Variants in GRID2 observed in about 807,000 individuals in gnomAD.
GRID2 encodes glutamate ionotropic receptor delta type subunit 2, also known as glutamate receptor ionotropic, delta-2.
Under a neutral mutation model 114.8 loss-of-function variants are expected in GRID2, and 33 were observed. That is an observed-to-expected ratio of 0.29 (90% CI 0.22 to 0.38). The LOEUF is 0.38. Among genes scored for constraint, GRID2 ranks in the 10% least tolerant of loss-of-function variants. GRID2 has a pLI of 1.00. For synonymous variants in GRID2, 505 were observed against 449.9 expected (o/e 1.12, Z -1.55); for missense variants, 1,184 against 1,257.7 (o/e 0.94, Z 0.89).
At chr4:92,445,100 A>G (rs929798653) in intron 1 of GRID2, among the ~76,000 whole-genome samples, 4 of 152,168 alleles carry the variant, frequency 2.6e-5, no homozygotes, top group African/African-American at 9.7e-5. Flanking sequence ...TATAAGGCTT[A>G]TTATGTGCTA....
intron 4 of GRID2, among the ~76,000 whole-genome samples, chr4:93,192,060 T>C (rs1221146494): frequency 6.6e-6 from 1 of 152,214 alleles, no homozygotes; most frequent in African/African-American, 2.4e-5. Context: ...AATGTTCCAT[T>C]TTATTTTCAC....
At chr4:92,684,328 A>AT (rs929559444) in intron 2 of GRID2, among the ~76,000 whole-genome samples, 74 of 151,354 alleles carry the variant, frequency 4.9e-4, no homozygotes, top group African/African-American at 1.5e-3. Flanking sequence ...GATTTCTTGG[A>AT]TTTTTTTTTA....
At chr4:93,219,596 G>GA (rs1187173102) in intron 6 of GRID2, among the ~76,000 whole-genome samples, 3 of 152,044 alleles carry the variant, frequency 2.0e-5, no homozygotes, top group Non-Finnish European at 2.9e-5. Flanking sequence ...GTAAAATTTA[G>GA]AAAAAACAGA....
chr4:93,084,167 C>T (rs368660758), intron 2 of GRID2, among the ~76,000 whole-genome samples: 3 of 151,862 alleles, frequency 2.0e-5, no homozygotes, highest in South Asian at 4.4e-4. Flanking sequence ...CATTATGAAA[C>T]ATTACCTCTT....
chr4:93,648,841 C>CT lies in GRID2; in HGVS notation c.2360+22414dup, dbSNP rs546115400. The stretch of plus-strand genomic sequence containing the variant: ...TATCTTTTTCTTGCTTCTTTATTCT[C>CT]TTTTTTTTACCATGTTTTTTGGATT... On this transcript the variant is annotated intron_variant, in intron 14 of 15. Transcript: ENST00000282020. Among the ~76,000 whole-genome samples, 173 of 148,040 alleles carry CT rather than the reference C, an allele frequency of 1.2e-3. 2 individuals carry two copies. The highest frequency in any genetic ancestry group is 0.01 in the Admixed American group (149 of 14,876).
chr4:93,394,869 C>T (rs1248568095), intron 8 of GRID2, among the ~76,000 whole-genome samples: 1 of 151,902 alleles, frequency 6.6e-6, no homozygotes, highest in Non-Finnish European at 1.5e-5. Flanking sequence ...GATTGAGAGT[C>T]ATCAATTTTT....
chr4:93,335,744 G>A (rs1453014692), intron 8 of GRID2, among the ~76,000 whole-genome samples: 1 of 144,756 alleles, frequency 6.9e-6, no homozygotes, highest in East Asian at 2.0e-4. Flanking sequence ...CATTCAGGCT[G>A]CAGTGCAGTG....
chr4:92,485,333 TATATATATATATATAG>T (rs1722818036), intron 1 of GRID2, among the ~76,000 whole-genome samples: 1 of 100,986 alleles, frequency 9.9e-6, no homozygotes, highest in Non-Finnish European at 2.2e-5. Context: ...TATATATATA[TATATATATATATATAG>T]TGTGTGTGTG....
At chr4:93,396,016 T>A (rs1765296182) in intron 9 of GRID2, among the ~76,000 whole-genome samples, 1 of 151,998 alleles carries the variant, frequency 6.6e-6, no homozygotes, top group Admixed American at 6.6e-5. Flanking sequence ...TCATTAAAAC[T>A]GTAGTGAACA....
At chr4:92,390,540 AT>A (rs1014073342) in intron 1 of GRID2, among the ~76,000 whole-genome samples, 2 of 152,192 alleles carry the variant, frequency 1.3e-5, no homozygotes, top group African/African-American at 2.4e-5. Context: ...AACAAACAAA[AT>A]AATTTCACAT....
At chr4:93,524,819 GTATGTATATATATATATATATATATATA>G (rs1730707714) in intron 13 of GRID2, among the ~76,000 whole-genome samples, 1 of 52,198 alleles carries the variant, frequency 1.9e-5, no homozygotes, top group Admixed American at 2.1e-4. Context: ...ATATATGTAT[GTATGTATATATATATATATATATATATA>G]TATGTATACA....
chr4:93,069,263 G>T (rs1342613667), intron 2 of GRID2, among the ~76,000 whole-genome samples: 2 of 151,224 alleles, frequency 1.3e-5, no homozygotes, highest in African/African-American at 4.9e-5. Context: ...ATATATGTGT[G>T]TGTGTATAAT....
intron 10 of GRID2, among the ~76,000 whole-genome samples, chr4:93,450,805 A>G (rs1722616614): frequency 6.6e-6 from 1 of 151,880 alleles, no homozygotes; most frequent in Non-Finnish European, 1.5e-5. Flanking sequence ...TTGACATATA[A>G]TATTTTGTAA....
At chr4:92,694,754 A>G (rs1016134413) in intron 2 of GRID2, among the ~76,000 whole-genome samples, 2 of 152,150 alleles carry the variant, frequency 1.3e-5, no homozygotes, top group African/African-American at 4.8e-5. Flanking sequence ...AAACTTGTGC[A>G]TATCTTATTT....
intron 2 of GRID2, among the ~76,000 whole-genome samples, chr4:92,810,989 G>A (rs1007301688): frequency 6.6e-6 from 1 of 151,948 alleles, no homozygotes; most frequent in Non-Finnish European, 1.5e-5. Flanking sequence ...CACCATGTTG[G>A]CCAGGTTGGT....
At chr4:92,349,844 A>G (rs1727975684) in intron 1 of GRID2, among the ~76,000 whole-genome samples, 1 of 151,924 alleles carries the variant, frequency 6.6e-6, no homozygotes, top group Non-Finnish European at 1.5e-5. Flanking sequence ...TAGTTTAAAA[A>G]TTTATTGTAA....
At chr4:93,337,641 T>C (rs1480856981) in intron 8 of GRID2, among the ~76,000 whole-genome samples, 2 of 152,022 alleles carry the variant, frequency 1.3e-5, no homozygotes, top group African/African-American at 2.4e-5. Context: ...TATATAAGCA[T>C]CCTTGAAAAG....
chr4:92,809,422 G>A (rs1740562101), intron 2 of GRID2, among the ~76,000 whole-genome samples: 1 of 151,958 alleles, frequency 6.6e-6, no homozygotes, highest in Non-Finnish European at 1.5e-5. Flanking sequence ...TCATTTTAGT[G>A]CCTACTCATA....
intron 2 of GRID2, among the ~76,000 whole-genome samples, chr4:92,738,295 G>A (rs564803333): frequency 3.9e-5 from 6 of 152,216 alleles, no homozygotes; most frequent in African/African-American, 1.4e-4. Context: ...TAGGTCACTT[G>A]ATAGTACTTG....
Sources: gnomAD v4.1 joint callset for allele counts (sites outside exome capture counted in the v4.1 genomes callset) on GRCh38, gnomAD v4.1.1 for gene constraint, MANE v1.5 for transcripts, NCBI Gene and HGNC (gene_info 2026-07-23, HGNC 2026-07-21) for gene names.